INTS10: variants seen among roughly 807,000 people sequenced by gnomAD.
The protein encoded by INTS10 is integrator complex subunit 10, also known as chromosome 8 open reading frame 35.
Under a neutral mutation model 94.4 loss-of-function variants are expected in INTS10, and 44 were observed. The observed-to-expected ratio is 0.47, with a 90% confidence interval of 0.37 to 0.60. The LOEUF is 0.60. INTS10 is among the 20% of genes least tolerant of loss of function. INTS10 has a pLI of 0.00. For synonymous variants in INTS10, 341 were observed against 320.7 expected, an observed-to-expected ratio of 1.06 and a Z score of -0.68; for missense variants, 797 against 868.7, an observed-to-expected ratio of 0.92 and a Z score of 1.04.
At chr8:19,832,605 C>G (rs1344936511) in intron 11 of INTS10, among the ~76,000 whole-genome samples, 1 of 152,114 alleles carries the variant, frequency 6.6e-6, no homozygotes, top group Non-Finnish European at 1.5e-5. Flanking sequence ...AATGACAAGC[C>G]TGTACCTTCT....
chr8:19,827,315 C>G (rs775546082), intron 9 of INTS10, among the ~76,000 whole-genome samples: 2 of 152,162 alleles, frequency 1.3e-5, no homozygotes, highest in African/African-American at 4.8e-5. Context: ...CCAGCCCAAA[C>G]GAGTCTCCCT....
chr8:19,820,373 G>A lies in INTS10; in HGVS notation c.302-6G>A, dbSNP rs758567543. 40 of 1,604,294 alleles carry A rather than the reference G, an allele frequency of 2.5e-5. No homozygotes were observed. The highest frequency in any genetic ancestry group is 1.7e-4 in the Middle Eastern group (1 of 6,028). On this transcript the variant is annotated splice_region_variant and splice_polypyrimidine_tract_variant and intron_variant, in intron 3 of 16. Coordinates refer to ENST00000397977, the MANE Select transcript of INTS10 (RefSeq NM_018142.4). ...AACTTTTAAAAGTGAAATATGTTTC[G>A]TACAGGTTTATTTGAAACTCTTCCT...
intron 13 of INTS10, among the ~76,000 whole-genome samples, chr8:19,839,746 G>C (rs192828761): frequency 2.6e-4 from 40 of 152,068 alleles, no homozygotes; most frequent in African/African-American, 8.4e-4. Flanking sequence ...ATTTGGCTAT[G>C]TAGAAAACTT....
intron 13 of INTS10, among the ~76,000 whole-genome samples, chr8:19,837,799 A>G (rs1247037484): frequency 6.6e-6 from 1 of 152,222 alleles, no homozygotes; most frequent in Non-Finnish European, 1.5e-5. Context: ...AATAGAGAAC[A>G]TTAATAAAAC....
chr8:19,825,343 T>C (rs561852880), intron 8 of INTS10, among the ~76,000 whole-genome samples: 2 of 152,168 alleles, frequency 1.3e-5, no homozygotes, highest in African/African-American at 2.4e-5. Context: ...CTGGCCAATA[T>C]GGTAAAACCC....
intron 9 of INTS10, among the ~76,000 whole-genome samples, chr8:19,829,343 G>A (rs1181416890): frequency 7.1e-6 from 1 of 141,432 alleles, no homozygotes; most frequent in Non-Finnish European, 1.5e-5. Context: ...ATAAAATTCA[G>A]TGGAGCTGCT....
At chr8:19,845,653 A>G in intron 15 of INTS10, 51 bp from the exon 16 acceptor site, 2 of 1,355,890 alleles carry the variant, frequency 1.5e-6, no homozygotes, top group African/African-American at 1.4e-5. Context: ...TCCTCATCAG[A>G]GAAAACTAGC....
Position 19,823,969 on chromosome 8 carries a change from A to G in INTS10, c.761A>G (p.Asp254Gly). 6.2e-7 allele frequency: 1 copy of G among 1,613,750 alleles called. No homozygotes were observed. Among genetic ancestry groups the G allele is most frequent in the Non-Finnish European group, 8.5e-7 (1 of 1,179,748 alleles). Residue 254 changes from aspartate to glycine, a missense_variant, in exon 7 of 17, where the codon GAC becomes GGC. Physicochemically the swap from Asp to Gly is moderately conservative, Grantham distance 94 (BLOSUM62 -1). Transcript: ENST00000397977. ...ACGGAAAAATCATCCCAGATCGTGG[A>G]CCCTTGGGAGAGGTTGTTTAAGATT... The part of the protein sequence containing the change: ...GLTEKSSQIV[D>G]PWERLFKILN...
In INTS10 at chr8:19,836,305, A is replaced by G. The variant is rs79256254; in HGVS notation, c.1531-747A>G. 4.9e-4 allele frequency among the ~76,000 whole-genome samples: 74 copies of G among 152,116 alleles called. 1 individual carries two copies. The East Asian group carries it at 6.4e-3, about 13-fold the overall frequency. ...TTGACACAGATAAAAGGCTCATTGC[A>G]TGGAATCTGACTGTTGTTAGGAGAA... On this transcript the variant is annotated intron_variant, in intron 12 of 16. Transcript: ENST00000397977.
At chr8:19,833,358 A>G in intron 12 of INTS10, 37 bp downstream of exon 12, 1 of 1,456,074 alleles carries the variant, frequency 6.9e-7, no homozygotes, top group Non-Finnish European at 9.1e-7. Flanking sequence ...CCGCAGGTGC[A>G]CGGGGCCACC....
intron 15 of INTS10, 93 bp from the exon 16 acceptor site, chr8:19,845,611 T>C (rs2068511232): frequency 3.6e-6 from 3 of 832,240 alleles, no homozygotes; most frequent in East Asian, 2.6e-5. Flanking sequence ...GGGATGGCAA[T>C]GGGCAAGTTA....
chr8:19,823,869 T>C lies in INTS10; in HGVS notation c.665-4T>C. ...TTGTAGGCTACTTTTTTCTTACATC[T>C]CAGGCGCCCAGGATACATCTGATTT... On this transcript the variant is annotated splice_polypyrimidine_tract_variant and splice_region_variant and intron_variant, in intron 6 of 16. Coordinates refer to ENST00000397977, the MANE Select transcript of INTS10 (RefSeq NM_018142.4). 1 of 1,575,336 alleles carries C rather than the reference T, an allele frequency of 6.3e-7. No individual in the cohort carries two copies. The highest frequency in any genetic ancestry group is 8.6e-7 in the Non-Finnish European group (1 of 1,165,410).
chr8:19,836,708 C>A (rs942723350), intron 12 of INTS10, among the ~76,000 whole-genome samples: 1 of 152,200 alleles, frequency 6.6e-6, no homozygotes, highest in African/African-American at 2.4e-5. Context: ...TTTTTCTATG[C>A]AGTGAGTTAG....
In INTS10 at chr8:19,830,677, T is replaced by C. The variant is rs7844257; in HGVS notation, c.1294+118T>C. ...GATTACAGTAGTTCATGCATTTTTTTTTTCTTGTTTTGAGACGGAGTCTCA... is the reference window on the plus strand; with the variant it reads ...GATTACAGTAGTTCATGCATTTTTTCTTTCTTGTTTTGAGACGGAGTCTCA... On this transcript the variant is annotated intron_variant, in intron 10 of 16. Coordinates refer to ENST00000397977, the MANE Select transcript of INTS10 (RefSeq NM_018142.4). The C allele has an allele frequency of 2.4e-3, 2,418 of 987,620 alleles. 50 individuals are homozygous for C. In the African/African-American group the frequency reaches 0.035, roughly 14 times the overall value. 61.2% of individuals were successfully genotyped at this position (987,620 alleles called of 1,614,324 possible).
In INTS10 at chr8:19,842,864, C is replaced by A; in HGVS notation, c.1656C>A (p.Leu552=). The change falls in exon 14 of 17, where the codon CTC becomes CTA. Residue 552 remains leucine (L), a synonymous_variant. Transcript: ENST00000397977. The part of the protein sequence containing the change: ...PKFRKGSDLK[L]LPCTSKAIMP... ...TTCTGTTAGGTTCGGATCTGAAGCT[C>A]CTGCCTTGTACCAGCAAGGCTATCA... 1 of 1,612,010 alleles carries A rather than the reference C, an allele frequency of 6.2e-7. No homozygotes were observed. The highest frequency in any genetic ancestry group is 1.1e-5 in the South Asian group (1 of 91,014).
chr8:19,839,579 G>T (rs1475254862), intron 13 of INTS10, among the ~76,000 whole-genome samples: 2 of 151,888 alleles, frequency 1.3e-5, no homozygotes, highest in Non-Finnish European at 2.9e-5. Context: ...TGCACCTGTA[G>T]TTCCAGCTAT....
At chr8:19,845,658 A>G in intron 15 of INTS10, 46 bp from the exon 16 acceptor site, 1 of 1,404,636 alleles carries the variant, frequency 7.1e-7, no homozygotes, top group South Asian at 1.2e-5. Flanking sequence ...ATCAGAGAAA[A>G]CTAGCACCTT....
At chr8:19,842,806 G>T in intron 13 of INTS10, 42 bp from the exon 14 acceptor site, 2 of 1,328,844 alleles carry the variant, frequency 1.5e-6, no homozygotes, top group South Asian at 1.2e-5. Flanking sequence ...TGTTATCTTT[G>T]ATAATAACAT....
intron 9 of INTS10, among the ~76,000 whole-genome samples, chr8:19,829,266 T>C (rs978053250): frequency 6.6e-6 from 1 of 152,206 alleles, no homozygotes; most frequent in African/African-American, 2.4e-5. Flanking sequence ...AGGAAGAATT[T>C]CATTTGGGTT....
Sources: allele counts gnomAD v4.1 joint callset (sites outside exome capture counted in the v4.1 genomes callset), GRCh38; gene constraint gnomAD v4.1.1; transcripts MANE v1.5; gene names NCBI Gene and HGNC (gene_info 2026-07-23, HGNC 2026-07-21).